NMT2: variants seen among roughly 807,000 people sequenced by gnomAD.
NMT2 encodes the protein glycylpeptide N-tetradecanoyltransferase 2.
In NMT2, 35 loss-of-function variants were observed where a neutral mutation model predicts 65.4. The ratio of observed to expected loss-of-function variants is 0.54; its 90% CI spans 0.41 to 0.71. The LOEUF (loss-of-function observed/expected upper bound fraction) is 0.71, where lower values mean the gene tolerates loss of function less well. NMT2 is among the 30% of genes least tolerant of loss of function. NMT2 has a pLI of 0.00. For synonymous variants in NMT2, 226 were observed against 231.8 expected, an observed-to-expected ratio of 0.98 and a Z score of 0.23; for missense variants, 489 against 611.3, an observed-to-expected ratio of 0.80 and a Z score of 2.11.
intron 9 of NMT2, among the ~76,000 whole-genome samples, chr10:15,114,635 G>C (rs544706704): frequency 1.3e-5 from 2 of 152,276 alleles, no homozygotes; most frequent in East Asian, 3.9e-4. Flanking sequence ...TATCAAGACA[G>C]GACAAGGACA....
At chr10:15,145,386 T>G (rs1846927258) in intron 1 of NMT2, among the ~76,000 whole-genome samples, 1 of 152,080 alleles carries the variant, frequency 6.6e-6, no homozygotes, top group African/African-American at 2.4e-5. Flanking sequence ...TTATTTTTGG[T>G]TTTTAGTATT....
At chr10:15,121,446 CAACG>C (rs1283576143) in intron 8 of NMT2, among the ~76,000 whole-genome samples, 1 of 152,210 alleles carries the variant, frequency 6.6e-6, no homozygotes, top group Non-Finnish European at 1.5e-5. Flanking sequence ...CGGTTCACTG[CAACG>C]TCTGCCTCCT....
chr10:15,110,873 CT>C (rs1845489794), intron 10 of NMT2, among the ~76,000 whole-genome samples: 1 of 152,162 alleles, frequency 6.6e-6, no homozygotes. Flanking sequence ...TCACTGCAAC[CT>C]CCACCTCCCA....
At chr10:15,167,741 G>C (rs1263054462) in intron 1 of NMT2, among the ~76,000 whole-genome samples, 1 of 152,226 alleles carries the variant, frequency 6.6e-6, no homozygotes, top group African/African-American at 2.4e-5. Context: ...GGGGCAAAGG[G>C]AAAGGATTAA....
At chr10:15,153,215 G>A (rs568239336) in intron 1 of NMT2, among the ~76,000 whole-genome samples, 9 of 152,300 alleles carry the variant, frequency 5.9e-5, no homozygotes, top group Non-Finnish European at 1.2e-4. Context: ...GAAGTCAGGA[G>A]TTCCAGGCCA....
intron 8 of NMT2, among the ~76,000 whole-genome samples, chr10:15,122,510 C>G (rs1053039632): frequency 6.6e-6 from 1 of 152,022 alleles, no homozygotes; most frequent in Non-Finnish European, 1.5e-5. Context: ...CTCTGCTTCC[C>G]GGGTTCAAGT....
Position 15,107,869 on chromosome 10 carries a change from T to G in NMT2, c.*1326A>C, listed in dbSNP as rs1845360049. ...AACACACATCTGTAAGCCATGAAAGTTTTTCAAATTCTAGATTAAAAACAC... is the reference window on the plus strand; with the variant it reads ...AACACACATCTGTAAGCCATGAAAGGTTTTCAAATTCTAGATTAAAAACAC... On this transcript the variant is annotated 3_prime_UTR_variant, in exon 12 of 12. Coordinates refer to ENST00000378165, the MANE Select transcript of NMT2 (RefSeq NM_004808.3). The G allele has an allele frequency of 2.0e-6, 2 of 985,620 alleles. No individual in the cohort carries two copies. Among genetic ancestry groups the G allele is most frequent in the Non-Finnish European group, 2.4e-6 (2 of 829,886 alleles). 61.1% of individuals were successfully genotyped at this position (985,620 alleles called of 1,614,324 possible). A position where few individuals can be genotyped will look rare whatever the true frequency, so the allele number is the denominator to read the frequency against.
At chr10:15,137,898 T>C (rs1846573155) in intron 2 of NMT2, among the ~76,000 whole-genome samples, 1 of 152,140 alleles carries the variant, frequency 6.6e-6, no homozygotes, top group Admixed American at 6.6e-5. Flanking sequence ...ATTCCCTACC[T>C]AATTAGCTCA....
In NMT2 at chr10:15,135,306, T is replaced by C; in HGVS notation, c.359A>G (p.Gln120Arg). 1 of 1,614,140 alleles carries C rather than the reference T, an allele frequency of 6.2e-7. No homozygotes were observed. Among genetic ancestry groups the C allele is most frequent in the Non-Finnish European group, 8.5e-7 (1 of 1,180,022 alleles). ...NIDEAAKHRY[Q>R]FWDTQPVPKL... is the part of the protein sequence containing the mutation. ...TGGTACCGGTTGTGTGTCCCAAAAC[T>C]GGTATCTGTGCTTTGCAGCCTCATC... Residue 120 changes from glutamine to arginine, a missense_variant, in exon 3 of 12, where the codon CAG becomes CGG. Coordinates refer to ENST00000378165, the MANE Select transcript of NMT2 (RefSeq NM_004808.3).
At chr10:15,109,630 C>G (rs1845439841) in intron 11 of NMT2, 72 bp downstream of exon 11, 1 of 1,197,438 alleles carries the variant, frequency 8.4e-7, no homozygotes, top group East Asian at 2.6e-5. Context: ...TGTCTTAAGT[C>G]TAAGTGAAGC....
rs1473854477 is a variant in NMT2 at position 15,105,792 on chromosome 10, T to C, written c.*3403A>G. 6.6e-6 allele frequency among the ~76,000 whole-genome samples: 1 copy of C among 152,232 alleles called. No individual in the cohort carries two copies. Among genetic ancestry groups the C allele is most frequent in the Non-Finnish European group, 1.5e-5 (1 of 68,046 alleles). ...CCATTGCATTTCAATTTAGTTTTAA[T>C]AGCTACTTCATAAGCAAGCAGTTTA... On this transcript the variant is annotated 3_prime_UTR_variant, in exon 12 of 12. Coordinates refer to ENST00000378165, the MANE Select transcript of NMT2 (RefSeq NM_004808.3).
At position 15,113,927 on chromosome 10, in the gene NMT2, C is replaced by A. The variant is rs142403846; in HGVS notation, c.1171-964G>T. On this transcript the variant is annotated intron_variant, in intron 9 of 11. Coordinates refer to ENST00000378165, the MANE Select transcript of NMT2 (RefSeq NM_004808.3). ...GGGTTGTTGTAATTAGCTGTGGTGG[C>A]CTTGCTGACTTTTAGAATATGATGT... Among the ~76,000 whole-genome samples, 546 of 152,246 alleles carry A rather than the reference C, an allele frequency of 3.6e-3. 39 individuals are homozygous for A. In the East Asian group the frequency reaches 0.099, roughly 28 times the overall value.
In NMT2 at chr10:15,166,442, C is replaced by CTACT. The variant is rs140280975; in HGVS notation, c.110+2057_110+2060dup. 4.2e-3 allele frequency among the ~76,000 whole-genome samples: 638 copies of CTACT among 152,254 alleles called. 3 individuals carry two copies. The highest frequency in any genetic ancestry group is 0.014 in the African/African-American group (588 of 41,544). ...AAATTTTAACATTTACAAACTTGAG[C>CTACT]TACTTAAAGAAAACCTAGGTTTCTA... is the stretch of plus-strand genomic sequence containing the variant. On this transcript the variant is annotated intron_variant, in intron 1 of 11. Transcript: ENST00000378165.
chr10:15,142,555 A>G (rs530978881), intron 1 of NMT2, among the ~76,000 whole-genome samples: 3 of 152,292 alleles, frequency 2.0e-5, no homozygotes, highest in African/African-American at 7.2e-5. Context: ...GAGCTGGAGA[A>G]AAAGAAAAAA....
intron 10 of NMT2, among the ~76,000 whole-genome samples, chr10:15,112,163 A>AGAT (rs1487371391): frequency 1.8e-5 from 2 of 113,004 alleles, no homozygotes; most frequent in African/African-American, 3.1e-5. Flanking sequence ...TTACTTCCTA[A>AGAT]GATATGGGCT....
In NMT2 at chr10:15,106,985, G is replaced by A. The variant is rs186897659; in HGVS notation, c.*2210C>T. On this transcript the variant is annotated 3_prime_UTR_variant, in exon 12 of 12. Coordinates refer to ENST00000378165, the MANE Select transcript of NMT2 (RefSeq NM_004808.3). ...GCGTGGTGGTATGCACGCCCAGCTA[G>A]TTCTTTTTCTTCAAAAAGACGCTGA... Among the ~76,000 whole-genome samples, 230 of 152,068 alleles carry A rather than the reference G, an allele frequency of 1.5e-3. No homozygotes were observed. The highest frequency in any genetic ancestry group is 5.1e-3 in the African/African-American group (213 of 41,478).
At position 15,141,281 on chromosome 10, in the gene NMT2, A is replaced by G. The variant is rs537371205; in HGVS notation, c.246+141T>C. ...CAAAGTCCATTTTAAGGAGGCTGTC[A>G]AGAGCTTCCAGTTACTAGTGGCATT... is the stretch of plus-strand genomic sequence containing the variant. On this transcript the variant is annotated intron_variant, in intron 2 of 11. Transcript: ENST00000378165. The G allele has an allele frequency of 1.3e-5, 15 of 1,139,424 alleles. No homozygotes were observed. In the African/African-American group the frequency reaches 2.2e-4, roughly 16 times the overall value. The allele number at this position is 1,139,424 out of a possible 1,614,324, so 70.6% of individuals were successfully genotyped here.
chr10:15,126,827 G>A (rs1846088294), intron 8 of NMT2, among the ~76,000 whole-genome samples: 1 of 152,218 alleles, frequency 6.6e-6, no homozygotes, highest in Non-Finnish European at 1.5e-5. Flanking sequence ...AATAAATGTT[G>A]TTTTAAGCAG....
intron 8 of NMT2, 38 bp downstream of exon 8, chr10:15,128,312 G>T: frequency 2.6e-6 from 3 of 1,170,944 alleles, no homozygotes; most frequent in East Asian, 2.3e-5. Context: ...AGCGTCAGTT[G>T]TTACAGCTTC....
Sources: allele counts gnomAD v4.1 joint callset (sites outside exome capture counted in the v4.1 genomes callset), GRCh38; gene constraint gnomAD v4.1.1; transcripts MANE v1.5; gene names NCBI Gene and HGNC (gene_info 2026-07-23, HGNC 2026-07-21).